Variants in SAP130 observed in about 807,000 individuals in gnomAD.
The protein encoded by SAP130 is histone deacetylase complex subunit SAP130.
A neutral mutation model predicts 103.2 loss-of-function variants in SAP130; 16 were observed. The ratio of observed to expected loss-of-function variants is 0.16; its 90% CI spans 0.10 to 0.24. The LOEUF (loss-of-function observed/expected upper bound fraction) is 0.24, where lower values mean the gene tolerates loss of function less well. Ranked by LOEUF, SAP130 falls within the 10% of genes least tolerant of loss-of-function variation. The pLI is 1.00. For missense variants in SAP130, 990 were observed against 1,359.7 expected (o/e 0.73, Z 4.28); for synonymous variants, 477 against 497.0 (o/e 0.96, Z 0.53).
At chr2:127,968,421 T>A (rs1473842043) in intron 15 of SAP130, among the ~76,000 whole-genome samples, 1 of 149,904 alleles carries the variant, frequency 6.7e-6, no homozygotes, top group Admixed American at 6.6e-5. Context: ...TTGGTTTTTT[T>A]TTTTTTTTTT....
chr2:128,008,717 G>C (rs1013792403), intron 7 of SAP130, among the ~76,000 whole-genome samples: 5 of 150,390 alleles, frequency 3.3e-5, no homozygotes, highest in Non-Finnish European at 5.9e-5. Context: ...ATGGGGTCTC[G>C]CTCTGTTGCC....
At chr2:127,991,920 C>T (rs1381572038) in intron 12 of SAP130, among the ~76,000 whole-genome samples, 6 of 152,194 alleles carry the variant, frequency 3.9e-5, no homozygotes, top group African/African-American at 1.2e-4. Flanking sequence ...CATATAGCAC[C>T]GTGTGGCAGG....
At chr2:127,983,904 T>C (rs1682174789) in intron 14 of SAP130, among the ~76,000 whole-genome samples, 1 of 146,350 alleles carries the variant, frequency 6.8e-6, no homozygotes, top group African/African-American at 2.5e-5. Context: ...TTCAATTTAC[T>C]ATATAGAAAT....
At chr2:128,014,778 T>G in intron 5 of SAP130, 25 bp downstream of exon 5, 1 of 1,520,368 alleles carries the variant, frequency 6.6e-7, no homozygotes, top group South Asian at 1.1e-5. Context: ...TTTTGAGAGT[T>G]TGAACAAAAC....
rs536919040 is a variant in SAP130, at chr2:128,022,866, G to A, written c.112+3315C>T. ...TTTCCTGGAGACAAGATCTCACTCC[G>A]TCACCCAGGCTGGGGTGCATTGGTA... On this transcript the variant is annotated intron_variant, in intron 2 of 20. Transcript: ENST00000643581. Among the ~76,000 whole-genome samples, 141 of 151,512 alleles carry A rather than the reference G, an allele frequency of 9.3e-4. 1 individual carries two copies. In the South Asian group the frequency reaches 0.012, roughly 13 times the overall value.
chr2:127,975,297 C>A (rs535324564), intron 15 of SAP130, among the ~76,000 whole-genome samples: 1 of 152,006 alleles, frequency 6.6e-6, no homozygotes, highest in African/African-American at 2.4e-5. Context: ...ATGGGTCAAC[C>A]AAGATGAAAA....
At chr2:128,003,602 T>C (rs1441546181) in intron 7 of SAP130, among the ~76,000 whole-genome samples, 2 of 151,344 alleles carry the variant, frequency 1.3e-5, no homozygotes, top group African/African-American at 4.9e-5. Flanking sequence ...CAAAAACAAA[T>C]GACAACAAAA....
chr2:127,959,070 A>G (rs1169240945), intron 15 of SAP130, among the ~76,000 whole-genome samples: 2 of 152,180 alleles, frequency 1.3e-5, no homozygotes, highest in African/African-American at 4.8e-5. Context: ...TTCCTCCCAC[A>G]AAGTATAGCT....
chr2:128,015,865 C>T (rs113062576), intron 4 of SAP130, among the ~76,000 whole-genome samples: 14 of 149,282 alleles, frequency 9.4e-5, no homozygotes, highest in African/African-American at 1.7e-4. Flanking sequence ...GGCTCGAACA[C>T]GGGACGTGGA....
intron 12 of SAP130, 59 bp downstream of exon 12, chr2:127,993,128 T>C: frequency 6.3e-7 from 1 of 1,591,216 alleles, no homozygotes; most frequent in Non-Finnish European, 8.6e-7. Flanking sequence ...CATCAATTTC[T>C]ACATTATTGT....
At chr2:127,982,986 T>G (rs1275781265) in intron 14 of SAP130, among the ~76,000 whole-genome samples, 2 of 152,238 alleles carry the variant, frequency 1.3e-5, no homozygotes, top group Middle Eastern at 3.4e-3. Flanking sequence ...TGAGCTTATG[T>G]GCTAAGTGCC....
intron 15 of SAP130, among the ~76,000 whole-genome samples, chr2:127,962,463 G>C (rs1680323088): frequency 6.6e-6 from 1 of 152,118 alleles, no homozygotes; most frequent in East Asian, 1.9e-4. Flanking sequence ...CAATAGCAAA[G>C]ACTCAGAACC....
chr2:127,943,926 C>T (rs577324180), intron 19 of SAP130, among the ~76,000 whole-genome samples: 1 of 152,270 alleles, frequency 6.6e-6, no homozygotes, highest in East Asian at 1.9e-4. Context: ...TTTTTGACTC[C>T]TTTGCAATAA....
intron 12 of SAP130, among the ~76,000 whole-genome samples, chr2:127,992,705 A>C (rs75536325): frequency 0.028 from 4,236 of 152,328 alleles, 179 homozygotes; most frequent in African/African-American, 0.093. Context: ...TTCACACGTC[A>C]TCATGATGAG....
At chr2:127,971,761 T>C (rs2438022) in intron 15 of SAP130, among the ~76,000 whole-genome samples, 130,113 of 152,170 alleles carry the variant, frequency 0.86, 55,806 homozygotes, top group Middle Eastern at 0.88. Context: ...TTTGTGTTTT[T>C]CTTCATAGAG....
At chr2:128,015,654 A>G (rs958916934) in intron 4 of SAP130, among the ~76,000 whole-genome samples, 2 of 152,192 alleles carry the variant, frequency 1.3e-5, no homozygotes, top group Admixed American at 1.3e-4. Context: ...AAATGTTCGC[A>G]ACTAAGGCTG....
intron 2 of SAP130, among the ~76,000 whole-genome samples, chr2:128,024,250 G>A (rs557750036): frequency 9.9e-5 from 15 of 152,136 alleles, no homozygotes; most frequent in Admixed American, 3.3e-4. Context: ...AGGCCTAGGC[G>A]GGAGGATTCC....
intron 15 of SAP130, among the ~76,000 whole-genome samples, chr2:127,958,387 C>T (rs1387391962): frequency 1.3e-5 from 2 of 152,222 alleles, no homozygotes; most frequent in Non-Finnish European, 2.9e-5. Flanking sequence ...GCACTCCAGC[C>T]TGGGTGACAG....
chr2:127,957,707 AT>A (rs1332435860), intron 15 of SAP130, among the ~76,000 whole-genome samples: 1 of 152,120 alleles, frequency 6.6e-6, no homozygotes, highest in East Asian at 1.9e-4. Flanking sequence ...ATGGCAAAAT[AT>A]TAAAAGTTAC....
Sources: gnomAD v4.1 joint callset for allele counts (sites outside exome capture counted in the v4.1 genomes callset) on GRCh38, gnomAD v4.1.1 for gene constraint, MANE v1.5 for transcripts, NCBI Gene and HGNC (gene_info 2026-07-23, HGNC 2026-07-21) for gene names.